RIN3: variants seen among roughly 807,000 people sequenced by gnomAD.
RIN3 encodes the protein Ras and Rab interactor 3, also known as RAB5 interacting protein 3.
Under a neutral mutation model 76.3 loss-of-function variants are expected in RIN3, and 54 were observed. The observed-to-expected ratio is 0.71, with a 90% confidence interval of 0.57 to 0.89. The LOEUF (loss-of-function observed/expected upper bound fraction) is 0.89, where lower values mean the gene tolerates loss of function less well. RIN3 is among the 40% of genes least tolerant of loss of function. The pLI is 0.00. For synonymous variants in RIN3, 576 were observed against 564.0 expected (o/e 1.02, Z -0.30); for missense variants, 1,256 against 1,322.1 (o/e 0.95, Z 0.78).
rs572457630 is a variant in RIN3 at position 92,611,960 on chromosome 14, G to C, written c.368-3447G>C. ...AAAGGGGGAACAAGGTGTCTCACGT[G>C]GTGGGAGCAGAGCAAGGTGGGGGGC... is the stretch of plus-strand genomic sequence containing the variant. On this transcript the variant is annotated intron_variant, in intron 3 of 9. Transcript: ENST00000216487. Among the ~76,000 whole-genome samples the C allele has an allele frequency of 1.2e-3, 181 of 152,186 alleles. 1 individual carries two copies. The highest frequency in any genetic ancestry group is 2.2e-3 in the Non-Finnish European group (147 of 68,028).
intron 2 of RIN3, among the ~76,000 whole-genome samples, chr14:92,562,866 C>T (rs763268851): frequency 2.0e-5 from 3 of 152,164 alleles, no homozygotes; most frequent in Non-Finnish European, 4.4e-5. Flanking sequence ...ACTGGAGTGT[C>T]AGTTGCTTCT....
chr14:92,520,422 G>A (rs1479103466), intron 1 of RIN3, among the ~76,000 whole-genome samples: 1 of 152,178 alleles, frequency 6.6e-6, no homozygotes, highest in African/African-American at 2.4e-5. Context: ...CCCTAGGGGG[G>A]CTCTCCTAGA....
intron 1 of RIN3, among the ~76,000 whole-genome samples, chr14:92,516,236 G>C (rs1896438391): frequency 6.6e-6 from 1 of 152,212 alleles, no homozygotes; most frequent in Admixed American, 6.5e-5. Context: ...TAACAATGAG[G>C]AACCAGAAAC....
intron 1 of RIN3, among the ~76,000 whole-genome samples, chr14:92,531,887 C>G (rs569924774): frequency 4.0e-5 from 6 of 151,660 alleles, no homozygotes; most frequent in Admixed American, 6.6e-5. Context: ...CCCCTCCCCC[C>G]AGTAAGCCCA....
chr14:92,623,279 A>G lies in RIN3; in HGVS notation c.440+7800A>G, dbSNP rs1886245734. Among the ~76,000 whole-genome samples, 5 of 152,346 alleles carry G rather than the reference A, an allele frequency of 3.3e-5. No individual in the cohort carries two copies. The highest frequency in any genetic ancestry group is 9.6e-5 in the African/African-American group (4 of 41,574). On this transcript the variant is annotated intron_variant, in intron 4 of 9. Coordinates refer to ENST00000216487, the MANE Select transcript of RIN3 (RefSeq NM_024832.5). The surrounding 1 kb of genome is among the most constrained non-coding windows in gnomAD (Gnocchi z 4.9). Reference sequence around the variant, plus strand: ...GTAGGTGCAGCATTGGGTTCCTATCATAACACAAACTCCACCTTTTTCTGC... The same window carrying G: ...GTAGGTGCAGCATTGGGTTCCTATCGTAACACAAACTCCACCTTTTTCTGC...
intron 3 of RIN3, among the ~76,000 whole-genome samples, chr14:92,589,052 C>T (rs1283776692): frequency 6.6e-6 from 1 of 152,110 alleles, no homozygotes; most frequent in African/African-American, 2.4e-5. Flanking sequence ...TCACCCAGAC[C>T]CTCTGACTTC....
At chr14:92,594,181 C>CCAGCA (rs61070339) in intron 3 of RIN3, among the ~76,000 whole-genome samples, 17,036 of 152,072 alleles carry the variant, frequency 0.11, 1,304 homozygotes, top group East Asian at 0.44. Context: ...ACCTGTAATC[C>CCAGCA]CAGCACTTTG....
In RIN3 at chr14:92,643,025, C is replaced by T. The variant is rs1887074352; in HGVS notation, c.532+1696C>T. ...TTGGATGAACCCAGGCCGTTTAGCT[C>T]CCACACCTGCCATCGTCTCATGGTG... On this transcript the variant is annotated intron_variant, in intron 5 of 9. Transcript: ENST00000216487. The surrounding 1 kb of genome is among the most constrained non-coding windows in gnomAD (Gnocchi z 4.8). Among the ~76,000 whole-genome samples the T allele has an allele frequency of 6.6e-6, 1 of 152,128 alleles. No individual in the cohort carries two copies. Among genetic ancestry groups the T allele is most frequent in the Admixed American group, 6.5e-5 (1 of 15,274 alleles).
intron 7 of RIN3, among the ~76,000 whole-genome samples, chr14:92,666,872 A>T (rs1325742051): frequency 6.6e-6 from 1 of 152,164 alleles, no homozygotes; most frequent in Non-Finnish European, 1.5e-5. Flanking sequence ...CAGCTCCTTG[A>T]GTAGTCTATG....
At chr14:92,631,325 A>G (rs1316451833) in intron 4 of RIN3, among the ~76,000 whole-genome samples, 2 of 152,154 alleles carry the variant, frequency 1.3e-5, no homozygotes, top group African/African-American at 4.8e-5. Flanking sequence ...CCAGAGCAGG[A>G]CGCCCCCATC....
At chr14:92,629,252 C>T (rs771499446) in intron 4 of RIN3, among the ~76,000 whole-genome samples, 13 of 152,320 alleles carry the variant, frequency 8.5e-5, no homozygotes, top group East Asian at 1.9e-4. Context: ...TCTTCCTCCC[C>T]GCTGGCTCGC....
intron 6 of RIN3, among the ~76,000 whole-genome samples, chr14:92,654,695 G>A (rs1014518876): frequency 6.6e-6 from 1 of 152,242 alleles, no homozygotes; most frequent in Non-Finnish European, 1.5e-5. Flanking sequence ...TGAGATCTGA[G>A]GCCAGTGCTG....
intron 3 of RIN3, among the ~76,000 whole-genome samples, chr14:92,596,684 A>G (rs1161062230): frequency 6.6e-6 from 1 of 152,210 alleles, no homozygotes; most frequent in Non-Finnish European, 1.5e-5. Context: ...AGCCTAAGCT[A>G]AGAGTATATT....
chr14:92,544,157 C>T (rs1897192533), intron 1 of RIN3, among the ~76,000 whole-genome samples: 1 of 152,152 alleles, frequency 6.6e-6, no homozygotes, highest in Non-Finnish European at 1.5e-5. Flanking sequence ...CAAGAGGACT[C>T]TGAGGCTCAA....
chr14:92,556,695 A>G (rs779092192), intron 2 of RIN3, among the ~76,000 whole-genome samples: 2 of 152,134 alleles, frequency 1.3e-5, no homozygotes, highest in African/African-American at 4.8e-5. Context: ...TCCCACACAC[A>G]TTTTCTCCTA....
intron 1 of RIN3, among the ~76,000 whole-genome samples, chr14:92,548,863 C>T (rs929177913): frequency 2.0e-5 from 3 of 151,990 alleles, no homozygotes; most frequent in African/African-American, 7.3e-5. Context: ...TCGGGGGACA[C>T]AATTCAACCT....
intron 3 of RIN3, among the ~76,000 whole-genome samples, chr14:92,607,667 G>A (rs1885576419): frequency 6.6e-6 from 1 of 152,128 alleles, no homozygotes; most frequent in Admixed American, 6.5e-5. Flanking sequence ...TTTCACTCTT[G>A]GGCATATATC....
chr14:92,583,410 G>A (rs1293497295), intron 3 of RIN3, among the ~76,000 whole-genome samples: 5 of 152,248 alleles, frequency 3.3e-5, no homozygotes. Context: ...GCTTGGGCTA[G>A]TCTTGCTGTG....
intron 4 of RIN3, among the ~76,000 whole-genome samples, chr14:92,625,496 G>C (rs535923007): frequency 8.5e-5 from 13 of 152,138 alleles, no homozygotes; most frequent in African/African-American, 2.2e-4. Flanking sequence ...TAGCTGTTGC[G>C]GGGAGGGGAA....
Sources: allele counts gnomAD v4.1 joint callset (sites outside exome capture counted in the v4.1 genomes callset), GRCh38; gene constraint gnomAD v4.1.1; non-coding constraint Gnocchi (gnomAD v3.1); transcripts MANE v1.5; gene names NCBI Gene and HGNC (gene_info 2026-07-23, HGNC 2026-07-21).